TAS2R1: variants seen among roughly 807,000 people sequenced by gnomAD.
TAS2R1 encodes taste receptor type 2 member 1.
For missense variants in TAS2R1, 370 were observed against 353.4 expected, an observed-to-expected ratio of 1.05 and a Z score of -0.38; for synonymous variants, 141 against 134.2, an observed-to-expected ratio of 1.05 and a Z score of -0.35.
chr5:9,686,092 T>C (rs1741118666), intron 1 of TAS2R1, among the ~76,000 whole-genome samples: 1 of 152,222 alleles, frequency 6.6e-6, no homozygotes. Context: ...CTCGAACTCC[T>C]GACCTCAGGA....
At chr5:9,752,628 C>T in the TAS2R1 span, among the ~76,000 whole-genome samples, 105 of 152,152 alleles carry the variant, frequency 6.9e-4, no homozygotes, top group African/African-American at 2.1e-3. Flanking sequence ...GTACATGTGC[C>T]ATGTTAGTGT....
At chr5:9,726,813 A>G in the TAS2R1 span, among the ~76,000 whole-genome samples, 1 of 152,248 alleles carries the variant, frequency 6.6e-6, no homozygotes, top group Non-Finnish European at 1.5e-5. Context: ...GGACTTCTCA[A>G]CAGAGAAGCT....
chr5:9,629,828 C>A lies in TAS2R1; in HGVS notation c.205G>T (p.Val69Phe), dbSNP rs200371021. Reference protein sequence around the residue: ...QLFIFYVNVIVIFFIEFIMCS... With the variant: ...QLFIFYVNVIFIFFIEFIMCS... The stretch of plus-strand genomic sequence containing the variant: ...ATGATGAATTCTATGAAGAAGATAA[C>A]AATCACATTAACGTAGAAGATGAAC... Residue 69 changes from valine (V) to phenylalanine (F), a missense_variant, in exon 1 of 1, where the codon GTT becomes TTT. Val to Phe is a conservative substitution (Grantham distance 50). Transcript: ENST00000382492. 17 of 1,613,758 alleles carry A rather than the reference C, an allele frequency of 1.1e-5. No homozygotes were observed. The highest frequency in any genetic ancestry group is 2.7e-5 in the African/African-American group (2 of 74,996).
the TAS2R1 span, among the ~76,000 whole-genome samples, chr5:9,826,725 A>G: frequency 1.3e-5 from 2 of 152,216 alleles, no homozygotes; most frequent in Non-Finnish European, 2.9e-5. Context: ...TATTTTTGAA[A>G]AAGGAAAACA....
the TAS2R1 span, among the ~76,000 whole-genome samples, chr5:9,790,185 C>T: frequency 6.6e-6 from 1 of 152,126 alleles, no homozygotes; most frequent in Admixed American, 6.5e-5. Flanking sequence ...TACCATTAAG[C>T]CTTCGATGGT....
chr5:9,704,301 G>A (rs1260470015), intron 1 of TAS2R1, among the ~76,000 whole-genome samples: 1 of 151,644 alleles, frequency 6.6e-6, no homozygotes, highest in Admixed American at 6.6e-5. Context: ...CTCCCCCAGA[G>A]TATCTTCTTT....
At chr5:9,637,100 C>T (rs575325858) in intron 2 of TAS2R1, among the ~76,000 whole-genome samples, 7 of 152,146 alleles carry the variant, frequency 4.6e-5, no homozygotes, top group African/African-American at 1.7e-4. Flanking sequence ...CTCCTTTAAG[C>T]ACTTTTTGTA....
At chr5:9,872,852 T>G in the TAS2R1 span, among the ~76,000 whole-genome samples, 8 of 152,238 alleles carry the variant, frequency 5.3e-5, no homozygotes, top group Non-Finnish European at 2.9e-5. Context: ...AAACAGTGCA[T>G]GTAATCCTAA....
intron 1 of TAS2R1, among the ~76,000 whole-genome samples, chr5:9,698,373 T>G (rs190790583): frequency 4.6e-5 from 7 of 152,314 alleles, no homozygotes; most frequent in Non-Finnish European, 1.0e-4. Context: ...TTATGTTTGA[T>G]CACTACAGCA....
the TAS2R1 span, among the ~76,000 whole-genome samples, chr5:9,862,598 TTTATGATTA>T: frequency 1.5e-3 from 110 of 73,018 alleles, no homozygotes; most frequent in African/African-American, 4.0e-3. Context: ...CTTATTTCGT[TTTATGATTA>T]TTATTATTAT....
At chr5:9,843,003 G>A in the TAS2R1 span, among the ~76,000 whole-genome samples, 1 of 151,978 alleles carries the variant, frequency 6.6e-6, no homozygotes, top group African/African-American at 2.4e-5. Context: ...TCTCTGTTCT[G>A]CCCATCTTGG....
the TAS2R1 span, among the ~76,000 whole-genome samples, chr5:9,788,513 G>A: frequency 1.3e-5 from 2 of 152,104 alleles, no homozygotes; most frequent in African/African-American, 4.8e-5. Context: ...AAAAACCCGT[G>A]AGAGCTAATT....
chr5:9,749,447 T>TA, the TAS2R1 span, among the ~76,000 whole-genome samples: 1 of 152,238 alleles, frequency 6.6e-6, no homozygotes, highest in Non-Finnish European at 1.5e-5. Context: ...ATTGATCATG[T>TA]ACAGCATCTG....
the TAS2R1 span, among the ~76,000 whole-genome samples, chr5:9,881,668 C>A: frequency 6.6e-6 from 1 of 152,218 alleles, no homozygotes; most frequent in East Asian, 1.9e-4. Context: ...ACACATAGAC[C>A]AATGGAACAG....
the TAS2R1 span, among the ~76,000 whole-genome samples, chr5:9,844,063 T>C: frequency 6.6e-6 from 1 of 152,200 alleles, no homozygotes; most frequent in Non-Finnish European, 1.5e-5. Flanking sequence ...CTACATAATG[T>C]AGTATTATCA....
At chr5:9,733,345 A>C in the TAS2R1 span, among the ~76,000 whole-genome samples, 22 of 152,306 alleles carry the variant, frequency 1.4e-4, no homozygotes, top group Middle Eastern at 6.8e-3. Flanking sequence ...TAGGACAGAG[A>C]CCAAACAGCC....
At chr5:9,804,734 C>T in the TAS2R1 span, among the ~76,000 whole-genome samples, 1 of 152,060 alleles carries the variant, frequency 6.6e-6, no homozygotes, top group Admixed American at 6.6e-5. Flanking sequence ...CTCTGGGATA[C>T]ACCAAAGGCA....
the TAS2R1 span, chr5:9,870,260 C>T: frequency 6.6e-6 from 1 of 152,284 alleles, no homozygotes; most frequent in Admixed American, 6.5e-5. Context: ...ACAGCTTTGG[C>T]CTTGGTCTCC....
the TAS2R1 span, among the ~76,000 whole-genome samples, chr5:9,886,930 T>C: frequency 1.3e-5 from 2 of 152,174 alleles, no homozygotes; most frequent in Admixed American, 6.5e-5. Context: ...CCAAAGGTAA[T>C]GGCGATGGCC....
Sources: allele counts gnomAD v4.1 joint callset (sites outside exome capture counted in the v4.1 genomes callset), GRCh38; gene constraint gnomAD v4.1.1; transcripts MANE v1.5; gene names NCBI Gene and HGNC (gene_info 2026-07-23, HGNC 2026-07-21).